The following TOX3 variants were observed in gnomAD, a reference collection of about 807,000 sequenced individuals.
TOX3 encodes the protein CAG trinucleotide repeat-containing gene F9 protein.
TOX3 carries 22 observed loss-of-function variants against 64.3 expected under a neutral mutation model. The observed-to-expected ratio is 0.34, with a 90% confidence interval of 0.24 to 0.49. The LOEUF is 0.49. TOX3 is among the 20% of genes least tolerant of loss of function. TOX3 has a pLI of 0.99. For synonymous variants in TOX3, 291 were observed against 273.6 expected, an observed-to-expected ratio of 1.06 and a Z score of -0.63; for missense variants, 661 against 714.4, an observed-to-expected ratio of 0.93 and a Z score of 0.85.
intron 6 of TOX3, among the ~76,000 whole-genome samples, chr16:52,440,554 C>G (rs1959937003): frequency 6.6e-6 from 1 of 152,084 alleles, no homozygotes. Flanking sequence ...TTAAGAGCAA[C>G]AATTCTTCTG....
intron 1 of TOX3, among the ~76,000 whole-genome samples, chr16:52,513,747 A>T (rs1486891154): frequency 6.6e-6 from 1 of 152,212 alleles, no homozygotes; most frequent in African/African-American, 2.4e-5. Context: ...AAATAAGGGG[A>T]TGTTCACTGC....
chr16:52,515,484 A>G (rs1302420906), intron 1 of TOX3, among the ~76,000 whole-genome samples: 2 of 152,226 alleles, frequency 1.3e-5, no homozygotes, highest in African/African-American at 4.8e-5. Context: ...ACACTTAGAA[A>G]TATTTTCCCT....
intron 1 of TOX3, among the ~76,000 whole-genome samples, chr16:52,479,380 G>T (rs1961306054): frequency 6.6e-6 from 1 of 152,198 alleles, no homozygotes; most frequent in African/African-American, 2.4e-5. Context: ...GCTTGAATAT[G>T]CTTATGAATA....
At chr16:52,545,994 C>A (rs8044585) in intron 1 of TOX3, among the ~76,000 whole-genome samples, 79,255 of 151,502 alleles carry the variant, frequency 0.52, 21,395 homozygotes, top group African/African-American at 0.65. Flanking sequence ...TTAGCCCCCC[C>A]AAAAAAATGA....
intron 3 of TOX3, among the ~76,000 whole-genome samples, chr16:52,454,607 T>G (rs1960460104): frequency 6.6e-6 from 1 of 152,206 alleles, no homozygotes; most frequent in South Asian, 2.1e-4. Context: ...TTGAGGATCC[T>G]CAACAGCTCC....
chr16:52,506,351 A>G (rs1834706814), intron 1 of TOX3, among the ~76,000 whole-genome samples: 1 of 152,204 alleles, frequency 6.6e-6, no homozygotes, highest in Non-Finnish European at 1.5e-5. Flanking sequence ...TCCAAGGTGA[A>G]GAAAGAGGAT....
chr16:52,475,336 A>G (rs1961177107), intron 1 of TOX3, among the ~76,000 whole-genome samples: 1 of 152,202 alleles, frequency 6.6e-6, no homozygotes, highest in Non-Finnish European at 1.5e-5. Flanking sequence ...ACTGCTGTCC[A>G]AGCCCATCCA....
chr16:52,457,616 C>T (rs1254894973), intron 3 of TOX3, among the ~76,000 whole-genome samples: 2 of 152,092 alleles, frequency 1.3e-5, no homozygotes, highest in African/African-American at 4.8e-5. Flanking sequence ...GAGTTAACTG[C>T]AAATAGGAAA....
chr16:52,510,086 C>A (rs1962261895), intron 1 of TOX3, among the ~76,000 whole-genome samples: 1 of 150,654 alleles, frequency 6.6e-6, no homozygotes, highest in Non-Finnish European at 1.5e-5. Context: ...GCCTCTGATA[C>A]CTCAAAAAAT....
intron 6 of TOX3, among the ~76,000 whole-genome samples, chr16:52,441,730 T>C (rs1959995546): frequency 6.6e-6 from 1 of 152,200 alleles, no homozygotes; most frequent in Non-Finnish European, 1.5e-5. Flanking sequence ...CAAACTGAGA[T>C]GTAACCTCAT....
At chr16:52,443,817 G>T (rs1296842461) in intron 6 of TOX3, among the ~76,000 whole-genome samples, 1 of 152,018 alleles carries the variant, frequency 6.6e-6, no homozygotes, top group Non-Finnish European at 1.5e-5. Context: ...CATTTTAAAT[G>T]ATCATGAGGT....
At chr16:52,542,556 T>C (rs190765618) in intron 1 of TOX3, among the ~76,000 whole-genome samples, 7 of 152,348 alleles carry the variant, frequency 4.6e-5, no homozygotes, top group Admixed American at 3.3e-4. Flanking sequence ...GGCAACACTC[T>C]ACTAATGCTG....
chr16:52,501,024 C>G (rs746998963), intron 1 of TOX3, among the ~76,000 whole-genome samples: 1 of 152,150 alleles, frequency 6.6e-6, no homozygotes, highest in Non-Finnish European at 1.5e-5. Context: ...ATAAATAATA[C>G]CAATTAACAC....
At chr16:52,444,498 T>TACAC in intron 5 of TOX3, 142 bp from the exon 6 acceptor site, 3 of 324,964 alleles carry the variant, frequency 9.2e-6, no homozygotes, top group Admixed American at 4.7e-5. Context: ...TGTTAGCGCA[T>TACAC]GCACACACAC....
rs16951220 is a variant in TOX3 at position 52,510,221 on chromosome 16, T to C, written c.87+36416A>G. 7.8e-3 allele frequency among the ~76,000 whole-genome samples: 1,183 copies of C among 151,822 alleles called. 36 individuals carry two copies. The East Asian group carries it at 0.1, about 13-fold the overall frequency. Reference sequence around the variant, plus strand: ...TGTTTTTTTCCCCTTTCTCTTAGACTAGGCATGAATAATCTCAAAATATTT... The same window carrying C: ...TGTTTTTTTCCCCTTTCTCTTAGACCAGGCATGAATAATCTCAAAATATTT... On this transcript the variant is annotated intron_variant, in intron 1 of 6. Coordinates refer to ENST00000219746, the MANE Select transcript of TOX3 (RefSeq NM_001080430.4).
At chr16:52,452,249 G>A (rs773054715) in intron 3 of TOX3, among the ~76,000 whole-genome samples, 16 of 152,112 alleles carry the variant, frequency 1.1e-4, no homozygotes, top group South Asian at 4.1e-4. Context: ...CTTTTTCTAC[G>A]TACATGTGTA....
chr16:52,460,014 G>A lies in TOX3; in HGVS notation c.408+3920C>T, dbSNP rs117716098. Among the ~76,000 whole-genome samples the A allele has an allele frequency of 8.4e-3, 1,278 of 152,166 alleles. 7 individuals are homozygous for A. The highest frequency in any genetic ancestry group is 0.015 in the Non-Finnish European group (1,052 of 67,990). On this transcript the variant is annotated intron_variant, in intron 3 of 6. Transcript: ENST00000219746. ...TATCTGTCTGGATTATGACTTAAGAGTCTTATGAATATTTTAAAAGCTCAT... is the reference window on the plus strand; with the variant it reads ...TATCTGTCTGGATTATGACTTAAGAATCTTATGAATATTTTAAAAGCTCAT...
At chr16:52,486,976 A>AC (rs1452386869) in intron 1 of TOX3, among the ~76,000 whole-genome samples, 1 of 152,134 alleles carries the variant, frequency 6.6e-6, no homozygotes, top group Non-Finnish European at 1.5e-5. Flanking sequence ...AAAAGTGGTG[A>AC]CCATCCACCA....
At chr16:52,503,041 A>G (rs1962046336) in intron 1 of TOX3, among the ~76,000 whole-genome samples, 1 of 152,230 alleles carries the variant, frequency 6.6e-6, no homozygotes, top group South Asian at 2.1e-4. Flanking sequence ...CTGTGTTCCA[A>G]TAACATTTTA....
Sources: allele counts gnomAD v4.1 joint callset (sites outside exome capture counted in the v4.1 genomes callset), GRCh38; gene constraint gnomAD v4.1.1; transcripts MANE v1.5; gene names NCBI Gene and HGNC (gene_info 2026-07-23, HGNC 2026-07-21).